The following PCDH15 variants were observed in gnomAD, a reference collection of about 807,000 sequenced individuals.
The protein encoded by PCDH15 is protocadherin related 15, also known as protocadherin-15.
A neutral mutation model predicts 178.5 loss-of-function variants in PCDH15; 129 were observed. The observed-to-expected ratio is 0.72, with a 90% CI of 0.63 to 0.84. PCDH15 has a LOEUF of 0.84. Among genes scored for constraint, PCDH15 ranks in the 40% least tolerant of loss-of-function variants. PCDH15 has a pLI of 0.00. For missense variants in PCDH15, 2,230 were observed against 2,099.9 expected (o/e 1.06, Z -1.21); for synonymous variants, 800 against 732.0 (o/e 1.09, Z -1.50).
intron 2 of PCDH15, among the ~76,000 whole-genome samples, chr10:55,408,076 A>G (rs750805667): frequency 3.3e-5 from 5 of 152,186 alleles, no homozygotes; most frequent in Non-Finnish European, 7.4e-5. Flanking sequence ...ACAGAACCCA[A>G]TGATTTTACA....
chr10:54,979,015 G>A (rs1470047916), intron 2 of PCDH15, among the ~76,000 whole-genome samples: 1 of 152,074 alleles, frequency 6.6e-6, no homozygotes, highest in Non-Finnish European at 1.5e-5. Context: ...TTTAATTTTA[G>A]CTACAATCTT....
intron 8 of PCDH15, among the ~76,000 whole-genome samples, chr10:54,294,408 AC>A (rs1354083109): frequency 6.6e-6 from 1 of 152,168 alleles, no homozygotes; most frequent in Non-Finnish European, 1.5e-5. Context: ...CCACGTGTAT[AC>A]CTATGTATTC....
intron 18 of PCDH15, among the ~76,000 whole-genome samples, chr10:54,035,673 C>T (rs1359732503): frequency 6.6e-6 from 1 of 151,718 alleles, no homozygotes; most frequent in Non-Finnish European, 1.5e-5. Context: ...AAAATTAGGC[C>T]AATTAATAAC....
At chr10:54,043,383 CTCTCTT>C (rs936679379) in intron 18 of PCDH15, among the ~76,000 whole-genome samples, 3 of 151,436 alleles carry the variant, frequency 2.0e-5, no homozygotes, top group East Asian at 2.0e-4. Context: ...CTCTCTCTCT[CTCTCTT>C]TCTCTTTCTT....
At chr10:54,214,092 T>A (rs1266118529) in intron 9 of PCDH15, 44 bp from the exon 10 acceptor site, 1 of 1,022,236 alleles carries the variant, frequency 9.8e-7, no homozygotes, top group Non-Finnish European at 1.6e-6. Flanking sequence ...GAACAATAAG[T>A]AATATGTGTA....
At chr10:54,549,358 A>G (rs530266656) in intron 2 of PCDH15, among the ~76,000 whole-genome samples, 2 of 152,014 alleles carry the variant, frequency 1.3e-5, no homozygotes, top group South Asian at 2.1e-4. Context: ...AATGTTGAAA[A>G]TTTATATTAG....
intron 11 of PCDH15, among the ~76,000 whole-genome samples, chr10:54,185,836 G>A (rs1290907639): frequency 6.6e-6 from 1 of 151,776 alleles, no homozygotes; most frequent in East Asian, 1.9e-4. Flanking sequence ...TTTCCAAATG[G>A]AAACATGTTT....
chr10:55,125,293 G>A (rs1837871321), intron 2 of PCDH15, among the ~76,000 whole-genome samples: 2 of 151,930 alleles, frequency 1.3e-5, no homozygotes, highest in African/African-American at 2.4e-5. Context: ...GTTATTGAAA[G>A]TAGTAGTTAC....
intron 26 of PCDH15, among the ~76,000 whole-genome samples, chr10:53,894,852 C>G (rs887703073): frequency 2.0e-5 from 3 of 152,104 alleles, no homozygotes; most frequent in Non-Finnish European, 4.4e-5. Context: ...TAAAGTCTCA[C>G]AGAGAGATAA....
At chr10:54,425,003 T>A (rs1589342438) in intron 3 of PCDH15, among the ~76,000 whole-genome samples, 1 of 137,042 alleles carries the variant, frequency 7.3e-6, no homozygotes, top group Non-Finnish European at 1.5e-5. Context: ...GAACTTAAAG[T>A]ATAATAAAAA....
At chr10:54,423,318 T>TA (rs1478049462) in intron 3 of PCDH15, among the ~76,000 whole-genome samples, 3 of 150,722 alleles carry the variant, frequency 2.0e-5, no homozygotes, top group African/African-American at 7.5e-5. Context: ...GTTTAATACT[T>TA]ACTATTATTC....
chr10:55,501,314 G>C (rs1840651059), intron 2 of PCDH15, among the ~76,000 whole-genome samples: 1 of 151,732 alleles, frequency 6.6e-6, no homozygotes. Flanking sequence ...AACTGTGAGA[G>C]ATTAAATTGC....
chr10:54,077,412 C>T (rs1215978101), intron 17 of PCDH15, among the ~76,000 whole-genome samples: 1 of 152,132 alleles, frequency 6.6e-6, no homozygotes, highest in Non-Finnish European at 1.5e-5. Context: ...TGACTATTTT[C>T]CTTCCATCTG....
intron 2 of PCDH15, among the ~76,000 whole-genome samples, chr10:55,540,589 T>C (rs1462765635): frequency 6.6e-6 from 1 of 152,050 alleles, no homozygotes; most frequent in Non-Finnish European, 1.5e-5. Context: ...AAGAAGTAAA[T>C]TCTAGGCTTA....
At chr10:54,689,515 C>T (rs559874730) in intron 1 of PCDH15, among the ~76,000 whole-genome samples, 1 of 152,214 alleles carries the variant, frequency 6.6e-6, no homozygotes, top group African/African-American at 2.4e-5. Context: ...ACTTACCAGC[C>T]ATGAAAAGCA....
intron 8 of PCDH15, among the ~76,000 whole-genome samples, chr10:54,294,861 A>C (rs539268521): frequency 3.2e-4 from 48 of 152,322 alleles, no homozygotes; most frequent in African/African-American, 1.1e-3. Context: ...TCATTTCATA[A>C]TATACACTGA....
At chr10:55,297,535 T>C (rs1843164163) in intron 1 of PCDH15, among the ~76,000 whole-genome samples, 1 of 152,116 alleles carries the variant, frequency 6.6e-6, no homozygotes, top group African/African-American at 2.4e-5. Flanking sequence ...ATTATAAATT[T>C]TTAGAAAAAT....
chr10:54,756,052 TAA>T (rs780419520), intron 1 of PCDH15, among the ~76,000 whole-genome samples: 1,949 of 25,418 alleles, frequency 0.077, 29 homozygotes, highest in Middle Eastern at 0.16. Flanking sequence ...CCGTCTCTAC[TAA>T]AAACACACAC....
rs970087251 is a variant in PCDH15 at position 54,023,184 on chromosome 10, T to G, written c.2234A>C (p.Asp745Ala). 6.2e-7 allele frequency: 1 copy of G among 1,613,512 alleles called. No homozygotes were observed. The highest frequency in any genetic ancestry group is 1.7e-5 in the Admixed American group (1 of 59,948). ...FVGQVKATDP[D>A]AGINGQVHYS... ...GTGCACTTGACCATTTATTCCAGCA[T>G]CAGGGTCTGTTGCCTATTAAATAAA... is the stretch of plus-strand genomic sequence containing the variant. Residue 745 changes from aspartate (D) to alanine (A), a missense_variant, in exon 19 of 38, where the codon GAT (aspartate) becomes GCT (alanine). Transcript: ENST00000644397.
Sources: allele counts gnomAD v4.1 joint callset (sites outside exome capture counted in the v4.1 genomes callset), GRCh38; gene constraint gnomAD v4.1.1; transcripts MANE v1.5; gene names NCBI Gene and HGNC (gene_info 2026-07-23, HGNC 2026-07-21).